SH3D19: variants seen among roughly 807,000 people sequenced by gnomAD.
SH3D19 encodes SH3 domain containing 19, also known as SH3 domain-containing protein 19.
Under a neutral mutation model 112.1 loss-of-function variants are expected in SH3D19, and 58 were observed. The ratio of observed to expected loss-of-function variants is 0.52; its 90% CI spans 0.42 to 0.64. The LOEUF (loss-of-function observed/expected upper bound fraction) is 0.64, where lower values mean the gene tolerates loss of function less well. SH3D19 is among the 30% of genes least tolerant of loss of function. SH3D19 has a pLI of 0.00. For missense variants in SH3D19, 1,090 were observed against 1,263.4 expected, an observed-to-expected ratio of 0.86 and a Z score of 2.08; for synonymous variants, 391 against 448.5, an observed-to-expected ratio of 0.87 and a Z score of 1.62.
At chr4:151,237,091 A>G (rs1046691703) in intron 1 of SH3D19, among the ~76,000 whole-genome samples, 1 of 152,094 alleles carries the variant, frequency 6.6e-6, no homozygotes, top group Non-Finnish European at 1.5e-5. Context: ...TGTTGCCTTT[A>G]TGAGCTGTAA....
At chr4:151,153,274 G>C (rs779375463) in intron 9 of SH3D19, among the ~76,000 whole-genome samples, 2 of 151,760 alleles carry the variant, frequency 1.3e-5, no homozygotes, top group African/African-American at 2.4e-5. Context: ...TAGAGACAGG[G>C]TCTCGCTTTG....
At chr4:151,307,254 C>G in intron 1 of SH3D19, among the ~76,000 whole-genome samples, 1 of 151,926 alleles carries the variant, frequency 6.6e-6, no homozygotes, top group Non-Finnish European at 1.5e-5. Context: ...GATCTCCTGA[C>G]CTCGTGATCC....
Position 151,175,820 on chromosome 4 carries a change from G to C in SH3D19, c.530-146C>G, listed in dbSNP as rs887026370. On this transcript the variant is annotated intron_variant, in intron 6 of 19. Transcript: ENST00000604030. ...TGGTTTCTTTTAATTAGTAAAAAGT[G>C]ATTCAAAAATGGAAATGTTTATTCT... 14 of 698,708 alleles carry C rather than the reference G, an allele frequency of 2.0e-5. No homozygotes were observed. The African/African-American group carries it at 2.1e-4, about 10-fold the overall frequency. The allele number at this position is 698,708 out of a possible 1,614,324, so 43.3% of individuals were successfully genotyped here.
At chr4:151,152,249 G>C (rs1048946758) in intron 9 of SH3D19, among the ~76,000 whole-genome samples, 1 of 152,128 alleles carries the variant, frequency 6.6e-6, no homozygotes, top group Non-Finnish European at 1.5e-5. Flanking sequence ...CTGAGTCTTT[G>C]CAAGATAACT....
chr4:151,196,174 A>G (rs1333444943), intron 2 of SH3D19, among the ~76,000 whole-genome samples: 1 of 152,198 alleles, frequency 6.6e-6, no homozygotes, highest in Non-Finnish European at 1.5e-5. Context: ...CGGAACATCA[A>G]AGGCAGGCCC....
chr4:151,243,939 G>A (rs7654696), intron 1 of SH3D19, among the ~76,000 whole-genome samples: 25,031 of 152,042 alleles, frequency 0.16, 2,814 homozygotes, highest in East Asian at 0.38. Flanking sequence ...CAAATATCAT[G>A]CCTTCTTCAA....
intron 2 of SH3D19, among the ~76,000 whole-genome samples, chr4:151,194,771 G>A (rs1763163107): frequency 6.6e-6 from 1 of 151,762 alleles, no homozygotes; most frequent in Non-Finnish European, 1.5e-5. Context: ...CGATTAATGT[G>A]CATCTAACTG....
intron 10 of SH3D19, 28 bp from the exon 11 acceptor site, chr4:151,148,214 C>T (rs777682409): frequency 1.2e-5 from 19 of 1,562,256 alleles, no homozygotes; most frequent in Non-Finnish European, 1.6e-5. Context: ...AGCCATGAGT[C>T]AGTGTTTTGA....
chr4:151,277,859 G>A (rs1019350795), intron 1 of SH3D19, among the ~76,000 whole-genome samples: 3 of 152,132 alleles, frequency 2.0e-5, no homozygotes, highest in Non-Finnish European at 4.4e-5. Flanking sequence ...TGGGCAACAT[G>A]GTGAAACCCC....
At chr4:151,142,784 T>TA (rs527758171) in intron 12 of SH3D19, among the ~76,000 whole-genome samples, 30 of 150,120 alleles carry the variant, frequency 2.0e-4, no homozygotes, top group South Asian at 4.2e-4. Flanking sequence ...AAGTTTTATT[T>TA]AAAAAAAAAA....
intron 8 of SH3D19, among the ~76,000 whole-genome samples, 181 bp downstream of exon 8, chr4:151,165,408 A>G (rs770242197): frequency 1.3e-5 from 2 of 152,200 alleles, no homozygotes; most frequent in Non-Finnish European, 2.9e-5. Context: ...CGAAGGGGAA[A>G]GGGAAATCCA....
At chr4:151,126,987 G>A (rs1459209427) in intron 19 of SH3D19, among the ~76,000 whole-genome samples, 2 of 149,730 alleles carry the variant, frequency 1.3e-5, no homozygotes, top group African/African-American at 4.9e-5. Context: ...TCGGCTCACT[G>A]CAAGCTCCAC....
chr4:151,316,770 G>A (rs1404298739), intron 1 of SH3D19, among the ~76,000 whole-genome samples: 1 of 152,064 alleles, frequency 6.6e-6, no homozygotes, highest in Non-Finnish European at 1.5e-5. Context: ...CTGAAGGTGA[G>A]GCCAACAGCT....
At chr4:151,291,581 T>C in intron 1 of SH3D19, 1 of 628,630 alleles carries the variant, frequency 1.6e-6, no homozygotes, top group Non-Finnish European at 2.8e-6. Context: ...AAACTGTCAC[T>C]TCTGTACATT....
chr4:151,306,668 G>C (rs1386222454), intron 1 of SH3D19, among the ~76,000 whole-genome samples: 3 of 152,212 alleles, frequency 2.0e-5, no homozygotes, highest in Non-Finnish European at 2.9e-5. Flanking sequence ...CAAAACCCAT[G>C]TGCTCAAGGA....
chr4:151,257,701 G>GA (rs1772043907), intron 1 of SH3D19, among the ~76,000 whole-genome samples: 1 of 152,092 alleles, frequency 6.6e-6, no homozygotes, highest in African/African-American at 2.4e-5. Context: ...AGGATTGCTT[G>GA]AGTCCTGGAG....
intron 2 of SH3D19, among the ~76,000 whole-genome samples, chr4:151,193,437 C>T (rs1011172807): frequency 6.6e-6 from 1 of 152,080 alleles, no homozygotes; most frequent in African/African-American, 2.4e-5. Context: ...CTTTTAGTAT[C>T]AATTAACAGA....
intron 7 of SH3D19, chr4:151,165,950 A>G (rs536240809): frequency 1.3e-4 from 47 of 373,338 alleles, no homozygotes; most frequent in Non-Finnish European, 6.4e-5. Context: ...AATTATGTAG[A>G]AGCTGATCTT....
intron 1 of SH3D19, among the ~76,000 whole-genome samples, chr4:151,255,996 A>C (rs1354967237): frequency 8.7e-5 from 9 of 103,772 alleles, no homozygotes; most frequent in African/African-American, 3.0e-4. Context: ...CATGAGAGGG[A>C]GACCGTGGAA....
Sources: gnomAD v4.1 joint callset for allele counts (sites outside exome capture counted in the v4.1 genomes callset) on GRCh38, gnomAD v4.1.1 for gene constraint, MANE v1.5 for transcripts, NCBI Gene and HGNC (gene_info 2026-07-23, HGNC 2026-07-21) for gene names.